Variants in ARID1A observed in about 807,000 individuals in gnomAD.
ARID1A encodes AT-rich interaction domain 1A.
ARID1A carries 20 observed loss-of-function variants against 212.6 expected under a neutral mutation model. That is an observed-to-expected ratio of 0.09 (90% confidence interval 0.07 to 0.14). ARID1A has a LOEUF of 0.14. Among genes scored for constraint, ARID1A ranks in the 10% least tolerant of loss-of-function variants. The pLI is 1.00. For missense variants in ARID1A, 2,587 were observed against 3,059.0 expected (o/e 0.85, Z 3.64); for synonymous variants, 1,376 against 1,222.1 (o/e 1.13, Z -2.63).
chr1:26,749,786 G>A (rs1351639467), intron 4 of ARID1A, among the ~76,000 whole-genome samples: 1 of 152,184 alleles, frequency 6.6e-6, no homozygotes, highest in African/African-American at 2.4e-5. Flanking sequence ...TTACCAAGTT[G>A]CCAAAACCCA....
chr1:26,775,759 T>A (rs900432267), intron 19 of ARID1A, 52 bp downstream of exon 19: 1 of 1,612,678 alleles, frequency 6.2e-7, no homozygotes, highest in Non-Finnish European at 8.5e-7. Context: ...CTTCTTAGTG[T>A]AGACAATGGG....
Position 26,696,605 on chromosome 1 carries a change from C to A in ARID1A, c.202C>A (p.Pro68Thr), listed in dbSNP as rs1025638460. 4.0e-6 allele frequency: 5 copies of A among 1,235,592 alleles called. No individual in the cohort carries two copies. 76.5% of individuals were successfully genotyped at this position (1,235,592 alleles called of 1,614,324 possible). Residue 68 changes from proline to threonine, a missense_variant, in exon 1 of 20, where the codon CCG (proline) becomes ACG (threonine). Pro to Thr is a conservative substitution (Grantham distance 38, BLOSUM62 -1). Around this residue, in one of 11 missense-constraint regions of ARID1A, gnomAD observed 735 missense variants for 590.6 expected, o/e 1.24. Coordinates refer to ENST00000324856, the MANE Select transcript of ARID1A (RefSeq NM_006015.6). ...GGGCCCCGCCGTGGGGCCGCCGCAG[C>A]CGCTGGGAAAGGAGCTGCAGGACGG... Reference protein sequence around the residue: ...SEGPAVGPPQPLGKELQDGAE... With the variant: ...SEGPAVGPPQTLGKELQDGAE...
rs2124069064 is a variant in ARID1A, at chr1:26,763,121, G to A, written c.2568G>A (p.Gly856=). ...GIPPYGTLPP[G]RMSHASMGNR... ...CACCTTATGGCACACTCCCTCCAGG[G>A]AGGATGAGTCACGCCTCCATGGGCA... The change falls in exon 8 of 20, where the codon GGG becomes GGA. Residue 856 remains glycine (G), a synonymous_variant. Coordinates refer to ENST00000324856, the MANE Select transcript of ARID1A (RefSeq NM_006015.6). The A allele has an allele frequency of 6.2e-7, 1 of 1,614,270 alleles. No individual in the cohort carries two copies.
chr1:26,740,824 C>T (rs952554855), intron 4 of ARID1A, among the ~76,000 whole-genome samples: 1 of 152,166 alleles, frequency 6.6e-6, no homozygotes, highest in East Asian at 1.9e-4. Flanking sequence ...GCATAGCCAC[C>T]TGCTCCCACA....
Position 26,696,169 on chromosome 1 carries a change from C to A in ARID1A, c.-235C>A. 1.8e-6 allele frequency: 1 copy of A among 541,378 alleles called. No homozygotes were observed. Among genetic ancestry groups the A allele is most frequent in the Non-Finnish European group, 2.6e-6 (1 of 387,626 alleles). The allele number at this position is 541,378 out of a possible 1,614,324, so 33.5% of individuals were successfully genotyped here. On this transcript the variant is annotated 5_prime_UTR_variant, in exon 1 of 20. Coordinates refer to ENST00000324856, the MANE Select transcript of ARID1A (RefSeq NM_006015.6). ...CCTACAGAGCCGGGAGCAGCTGAGC[C>A]GCCGGCGCCTCGGCCGCCGCCGCCG... is the stretch of plus-strand genomic sequence containing the variant.
At chr1:26,738,049 A>T (rs189366263) in intron 4 of ARID1A, among the ~76,000 whole-genome samples, 1 of 149,192 alleles carries the variant, frequency 6.7e-6, no homozygotes, top group African/African-American at 2.5e-5. Flanking sequence ...TTTGAGATGG[A>T]GTCTCACTCT....
chr1:26,755,723 A>G (rs575931376), intron 4 of ARID1A, among the ~76,000 whole-genome samples: 2 of 151,048 alleles, frequency 1.3e-5, no homozygotes, highest in East Asian at 3.9e-4. Context: ...AGCTGATAGG[A>G]GTGGTTGGTG....
chr1:26,728,774 T>G (rs577252880), intron 1 of ARID1A: 2 of 152,142 alleles, frequency 1.3e-5, no homozygotes, highest in Non-Finnish European at 2.9e-5. Flanking sequence ...CCAATAGATA[T>G]AGGTAGATAT....
chr1:26,751,380 T>C (rs1386022634), intron 4 of ARID1A, among the ~76,000 whole-genome samples: 1 of 152,142 alleles, frequency 6.6e-6, no homozygotes, highest in Non-Finnish European at 1.5e-5. Context: ...GTCAAGTAGC[T>C]AATCACGCAG....
In ARID1A at chr1:26,767,860, G is replaced by A. The variant is rs2081052478; in HGVS notation, c.3059G>A (p.Arg1020Lys). ...KLYELGGEPE[R>K]KMWVDRYLAF... ...TATGAGCTGGGTGGTGAGCCTGAGA[G>A]GAAGATGTGGGTGGACCGTTATCTG... The change falls in exon 11 of 20, where the codon AGG becomes AAG. Residue 1020 changes from arginine to lysine, a missense_variant. By Grantham distance (26) the Arg-to-Lys change is conservative (BLOSUM62 2). Transcript: ENST00000324856. 2 of 1,614,152 alleles carry A rather than the reference G, an allele frequency of 1.2e-6. 1 individual carries two copies.
chr1:26,748,605 A>AT (rs1446910549), intron 4 of ARID1A, among the ~76,000 whole-genome samples: 2 of 136,760 alleles, frequency 1.5e-5, no homozygotes, highest in African/African-American at 2.7e-5. Context: ...TCTGACCCAG[A>AT]TTCTTTTTTT....
intron 10 of ARID1A, 73 bp from the exon 11 acceptor site, chr1:26,767,717 A>G: frequency 7.1e-7 from 1 of 1,404,496 alleles, no homozygotes; most frequent in South Asian, 1.3e-5. Context: ...GCTCCAGTCA[A>G]GAGACTTCTG....
chr1:26,751,511 C>T (rs768520856), intron 4 of ARID1A, among the ~76,000 whole-genome samples: 2 of 151,844 alleles, frequency 1.3e-5, no homozygotes, highest in African/African-American at 2.4e-5. Flanking sequence ...TGGATTTGAA[C>T]CTCAGGTCTA....
At chr1:26,717,484 G>T (rs1278426066) in intron 1 of ARID1A, among the ~76,000 whole-genome samples, 1 of 152,132 alleles carries the variant, frequency 6.6e-6, no homozygotes, top group African/African-American at 2.4e-5. Context: ...AAAAAGTACA[G>T]CCTAAATTTA....
intron 11 of ARID1A, among the ~76,000 whole-genome samples, chr1:26,768,615 T>C (rs1019393949): frequency 6.6e-6 from 1 of 152,202 alleles, no homozygotes; most frequent in Non-Finnish European, 1.5e-5. Flanking sequence ...AGAAATAGTT[T>C]ATAATAAAGG....
Position 26,762,199 on chromosome 1 carries a change from C to T in ARID1A, c.2299C>T (p.Pro767Ser), listed in dbSNP as rs2124063334. 1 of 1,614,180 alleles carries T rather than the reference C, an allele frequency of 6.2e-7. No homozygotes were observed. Among genetic ancestry groups the T allele is most frequent in the Non-Finnish European group, 8.5e-7 (1 of 1,180,018 alleles). The stretch of plus-strand genomic sequence containing the variant: ...GATGCCCCAGTACAGTTCCCCCCAG[C>T]CCGGCTCAGCCTTATCTCCGCGTCA... ...PQMPQYSSPQ[P>S]GSALSPRQPS... The change falls in exon 7 of 20, where the codon CCC (proline) becomes TCC (serine). Residue 767 changes from proline (P) to serine (S), a missense_variant. Around this residue, in one of 11 missense-constraint regions of ARID1A, gnomAD observed 674 missense variants for 813.4 expected, o/e 0.83. Transcript: ENST00000324856.
intron 1 of ARID1A, among the ~76,000 whole-genome samples, chr1:26,711,119 T>A (rs1180481818): frequency 3.3e-5 from 5 of 151,890 alleles, no homozygotes; most frequent in Non-Finnish European, 5.9e-5. Context: ...TTGCTCTTTT[T>A]TTTTTTTGAG....
Position 26,781,204 on chromosome 1 carries a change from A to G in ARID1A, c.*448A>G, listed in dbSNP as rs192390664. 2,361 of 240,516 alleles carry G rather than the reference A, an allele frequency of 9.8e-3. 20 individuals are homozygous for G. Among genetic ancestry groups the G allele is most frequent in the Non-Finnish European group, 0.013 (1,629 of 122,514 alleles). 14.9% of individuals were successfully genotyped at this position (240,516 alleles called of 1,614,324 possible). A position where few individuals can be genotyped will look rare whatever the true frequency, so the allele number is the denominator to read the frequency against. ...ACAAAAAAAAATTCTGAAGGACAAA[A>G]AAGGTGACTGCTGAACTGTGTGTGG... On this transcript the variant is annotated 3_prime_UTR_variant, in exon 20 of 20. Transcript: ENST00000324856.
rs1316069532 is a variant in ARID1A at position 26,768,018 on chromosome 1, C to G, written c.3198+19C>G. On this transcript the variant is annotated intron_variant, in intron 11 of 19. Transcript: ENST00000324856. ...GACTCAGGTGAGTGGGCGCCTGACACTTGACTGCCCCTGTGGTTTCCACAA... is the reference window on the plus strand; with the variant it reads ...GACTCAGGTGAGTGGGCGCCTGACAGTTGACTGCCCCTGTGGTTTCCACAA... 6.2e-7 allele frequency: 1 copy of G among 1,611,292 alleles called. No individual in the cohort carries two copies. The highest frequency in any genetic ancestry group is 1.7e-4 in the Middle Eastern group (1 of 6,024).
Sources: allele counts gnomAD v4.1 joint callset (sites outside exome capture counted in the v4.1 genomes callset), GRCh38; gene constraint gnomAD v4.1.1; regional missense constraint gnomAD v4.1.1; transcripts MANE v1.5; gene names NCBI Gene and HGNC (gene_info 2026-07-23, HGNC 2026-07-21).